TSPAN18: variants seen among roughly 807,000 people sequenced by gnomAD.
TSPAN18 encodes the protein tetraspanin 18, also known as tetraspanin-18.
Under a neutral mutation model 27.3 loss-of-function variants are expected in TSPAN18, and 14 were observed. The observed-to-expected ratio is 0.51, with a 90% confidence interval of 0.34 to 0.80. The LOEUF (loss-of-function observed/expected upper bound fraction) is 0.80. Among genes scored for constraint, TSPAN18 ranks in the 30% least tolerant of loss-of-function variants. TSPAN18 has a pLI of 0.01. For missense variants in TSPAN18, 268 were observed against 323.9 expected (o/e 0.83, Z 1.32); for synonymous variants, 143 against 136.5 (o/e 1.05, Z -0.33).
intron 2 of TSPAN18, among the ~76,000 whole-genome samples, chr11:44,795,573 G>T (rs1590482557): frequency 6.6e-6 from 1 of 152,082 alleles, no homozygotes; most frequent in African/African-American, 2.4e-5. Context: ...TGACACACAG[G>T]TGTGAGGATC....
At position 44,919,884 on chromosome 11, in the gene TSPAN18, T is replaced by C. The variant is rs1340330606; in HGVS notation, c.500T>C (p.Leu167Pro). 2 of 1,614,094 alleles carry C rather than the reference T, an allele frequency of 1.2e-6. No homozygotes were observed. Among genetic ancestry groups the C allele is most frequent in the Non-Finnish European group, 1.7e-6 (2 of 1,180,042 alleles). Residue 167 changes from leucine (L) to proline (P), a missense_variant, in exon 8 of 10, where the codon CTG (leucine) becomes CCG (proline). Physicochemically the swap from Leu to Pro is moderately conservative, Grantham distance 98. Coordinates refer to ENST00000520358, the MANE Select transcript of TSPAN18 (RefSeq NM_130783.5). ...KFASVFRLLT[L>P]DSEEVPEACC... ...GCATCTGTGTTTCGACTCCTGACCC[T>C]GGATAGTGAAGAGGTGCCGGAGGCC...
chr11:44,757,818 G>GT (rs1166063954), intron 1 of TSPAN18, among the ~76,000 whole-genome samples: 2 of 152,020 alleles, frequency 1.3e-5, no homozygotes, highest in East Asian at 1.9e-4. Flanking sequence ...TTTTAATTGG[G>GT]TTTTTTTGTT....
chr11:44,821,206 G>A (rs952294519), intron 2 of TSPAN18, among the ~76,000 whole-genome samples: 23 of 152,336 alleles, frequency 1.5e-4, no homozygotes, highest in African/African-American at 5.3e-4. Context: ...ATAAGCCTGA[G>A]AGATCATCGA....
chr11:44,854,290 G>A (rs1268222536), intron 2 of TSPAN18, among the ~76,000 whole-genome samples: 1 of 151,602 alleles, frequency 6.6e-6, no homozygotes, highest in African/African-American at 2.4e-5. Context: ...CATACAATGA[G>A]CACTTTGTTC....
chr11:44,764,817 G>A (rs772786670), intron 2 of TSPAN18, among the ~76,000 whole-genome samples: 4 of 152,250 alleles, frequency 2.6e-5, no homozygotes, highest in Admixed American at 2.6e-4. Context: ...GGTCATGAGG[G>A]CTCATGGAAT....
At chr11:44,726,423 G>C (rs1854502426), upstream of TSPAN18, 1 of 152,256 alleles carries the variant, frequency 6.6e-6, no homozygotes, top group Non-Finnish European at 1.5e-5. Flanking sequence ...CAAGTCATTT[G>C]CATCTGACCT....
intron 3 of TSPAN18, among the ~76,000 whole-genome samples, chr11:44,871,729 T>A (rs1200863521): frequency 6.6e-6 from 1 of 152,196 alleles, no homozygotes; most frequent in Non-Finnish European, 1.5e-5. Flanking sequence ...GCCCTGTTCC[T>A]TCATCCATTC....
intron 1 of TSPAN18, among the ~76,000 whole-genome samples, chr11:44,755,098 C>A (rs1265905903): frequency 6.6e-6 from 1 of 152,134 alleles, no homozygotes; most frequent in Non-Finnish European, 1.5e-5. Flanking sequence ...CAGTCTCAGG[C>A]AATCATTTAT....
At chr11:44,870,660 A>G (rs1181427121) in intron 3 of TSPAN18, among the ~76,000 whole-genome samples, 1 of 152,202 alleles carries the variant, frequency 6.6e-6, no homozygotes, top group Non-Finnish European at 1.5e-5. Flanking sequence ...ATCCTTTGAG[A>G]TGGAATCATT....
chr11:44,919,927 C>T lies in TSPAN18; in HGVS notation c.543C>T (p.Pro181=), dbSNP rs773465712. Residue 181 remains proline (P), a synonymous_variant, in exon 8 of 10, where the codon CCC becomes CCT. Coordinates refer to ENST00000520358, the MANE Select transcript of TSPAN18 (RefSeq NM_130783.5). Reference sequence around the variant, plus strand: ...CGGAGGCCTGCTGCCGGAGGGAACCCCAAAGTCGGGACGGGGTCCTGCTGA... The same window carrying T: ...CGGAGGCCTGCTGCCGGAGGGAACCTCAAAGTCGGGACGGGGTCCTGCTGA... ...EVPEACCRRE[P]QSRDGVLLSR... 1.2e-6 allele frequency: 2 copies of T among 1,614,072 alleles called. No individual in the cohort carries two copies. The highest frequency in any genetic ancestry group is 1.7e-6 in the Non-Finnish European group (2 of 1,180,026).
chr11:44,929,339 C>T lies in TSPAN18; in HGVS notation c.*161C>T. 1 of 858,620 alleles carries T rather than the reference C, an allele frequency of 1.2e-6. No homozygotes were observed. The highest frequency in any genetic ancestry group is 1.8e-6 in the Non-Finnish European group (1 of 561,322). 53.2% of individuals were successfully genotyped at this position (858,620 alleles called of 1,614,324 possible). ...CAGGGGAATAGAGCTATTTTTTTAA[C>T]AAAACAAAATGAAGACAAAAATATG... On this transcript the variant is annotated 3_prime_UTR_variant, in exon 10 of 10. Transcript: ENST00000520358.
At chr11:44,750,829 G>T (rs546057351) in intron 1 of TSPAN18, among the ~76,000 whole-genome samples, 1 of 152,334 alleles carries the variant, frequency 6.6e-6, no homozygotes, top group African/African-American at 2.4e-5. Context: ...ATGTTTAAGG[G>T]CAAGGTGAAG....
At chr11:44,859,414 G>A (rs914750137) in intron 2 of TSPAN18, among the ~76,000 whole-genome samples, 1 of 152,112 alleles carries the variant, frequency 6.6e-6, no homozygotes, top group Non-Finnish European at 1.5e-5. Context: ...TTAATTCCCG[G>A]CAATCCTCAG....
In TSPAN18 at chr11:44,899,088, G is replaced by A. The variant is rs1184057351; in HGVS notation, c.-10-7319G>A. Among the ~76,000 whole-genome samples the A allele has an allele frequency of 3.3e-5, 5 of 152,298 alleles. No homozygotes were observed. The South Asian group carries it at 8.3e-4, about 25-fold the overall frequency. Reference sequence around the variant, plus strand: ...GGCAGACGTCACATGGAAGGACAGGGAGACCACAGCACCTAAACTGCTCTC... The same window carrying A: ...GGCAGACGTCACATGGAAGGACAGGAAGACCACAGCACCTAAACTGCTCTC... On this transcript the variant is annotated intron_variant, in intron 3 of 9. Transcript: ENST00000520358.
intron 3 of TSPAN18, among the ~76,000 whole-genome samples, chr11:44,882,056 G>A (rs1232587243): frequency 6.6e-6 from 1 of 152,092 alleles, no homozygotes; most frequent in Admixed American, 6.5e-5. Flanking sequence ...ACCCAGCTCT[G>A]TCCAAGTGGT....
chr11:44,907,919 G>A (rs751480267), intron 4 of TSPAN18, among the ~76,000 whole-genome samples: 1 of 152,140 alleles, frequency 6.6e-6, no homozygotes, highest in Non-Finnish European at 1.5e-5. Flanking sequence ...GCCATGCGTG[G>A]TAGCGGGTGC....
chr11:44,911,361 A>G (rs1441704565), intron 5 of TSPAN18, among the ~76,000 whole-genome samples: 3 of 152,054 alleles, frequency 2.0e-5, no homozygotes, highest in Admixed American at 1.3e-4. Flanking sequence ...GCACGGCCCC[A>G]TTTGTGTCCC....
chr11:44,895,759 T>G (rs1415374173), intron 3 of TSPAN18, among the ~76,000 whole-genome samples: 1 of 152,130 alleles, frequency 6.6e-6, no homozygotes, highest in Non-Finnish European at 1.5e-5. Flanking sequence ...CATCCATGTT[T>G]CTCATATCAG....
chr11:44,804,160 A>G (rs1302728779), intron 2 of TSPAN18, among the ~76,000 whole-genome samples: 1 of 151,746 alleles, frequency 6.6e-6, no homozygotes, highest in East Asian at 1.9e-4. Context: ...CTGGAGTGCA[A>G]TGGTGCGATC....
Sources: gnomAD v4.1 joint callset for allele counts (sites outside exome capture counted in the v4.1 genomes callset) on GRCh38, gnomAD v4.1.1 for gene constraint, MANE v1.5 for transcripts, NCBI Gene and HGNC (gene_info 2026-07-23, HGNC 2026-07-21) for gene names.